The following CSNK1G3 variants were observed in gnomAD, a reference collection of about 807,000 sequenced individuals.
CSNK1G3 encodes the protein casein kinase I isoform gamma-3.
A neutral mutation model predicts 64.3 loss-of-function variants in CSNK1G3; 23 were observed. The observed-to-expected ratio is 0.36, with a 90% CI of 0.26 to 0.51. The LOEUF (loss-of-function observed/expected upper bound fraction) is 0.51, where lower values mean the gene tolerates loss of function less well. CSNK1G3 is among the 20% of genes least tolerant of loss of function. CSNK1G3 has a pLI of 0.96. For synonymous variants in CSNK1G3, 158 were observed against 162.2 expected (o/e 0.97, Z 0.20); for missense variants, 357 against 510.5 (o/e 0.70, Z 2.90).
chr5:123,572,133 C>T (rs1788236351), intron 4 of CSNK1G3, among the ~76,000 whole-genome samples: 1 of 152,032 alleles, frequency 6.6e-6, no homozygotes, highest in African/African-American at 2.4e-5. Context: ...GGCTTTTGTT[C>T]CAGGTTGTGG....
intron 1 of CSNK1G3, among the ~76,000 whole-genome samples, chr5:123,541,502 C>T (rs1781674200): frequency 1.3e-5 from 2 of 152,132 alleles, no homozygotes; most frequent in South Asian, 2.1e-4. Flanking sequence ...AATCTCAGCT[C>T]ACTGCAACCT....
intron 12 of CSNK1G3, among the ~76,000 whole-genome samples, chr5:123,612,512 C>T (rs1796515205): frequency 6.7e-6 from 1 of 149,926 alleles, no homozygotes; most frequent in African/African-American, 2.5e-5. Context: ...GAGTCTCACT[C>T]TGTCGCCCAG....
intron 12 of CSNK1G3, among the ~76,000 whole-genome samples, chr5:123,605,658 A>C (rs1795234787): frequency 6.6e-6 from 1 of 152,092 alleles, no homozygotes; most frequent in South Asian, 2.1e-4. Flanking sequence ...GTTTTATAAT[A>C]GTTTTTATTT....
At chr5:123,561,482 T>C (rs1785707776) in intron 4 of CSNK1G3, among the ~76,000 whole-genome samples, 1 of 152,208 alleles carries the variant, frequency 6.6e-6, no homozygotes, top group Admixed American at 6.5e-5. Flanking sequence ...GGATGTAATG[T>C]GAGACAAGTG....
intron 1 of CSNK1G3, among the ~76,000 whole-genome samples, chr5:123,534,444 G>C (rs1040776034): frequency 4.6e-5 from 7 of 152,090 alleles, no homozygotes; most frequent in Non-Finnish European, 1.0e-4. Context: ...TTAGGTATAA[G>C]AGAAGGTTAT....
In CSNK1G3 at chr5:123,600,903, C is replaced by CTT. The variant is rs376563590; in HGVS notation, c.1087-3808_1087-3807dup. ...GACAGTAAAACTGGAGTCTAGTTGC[C>CTT]TTTTTTTTTTTTTTATCTTCTTAAA... On this transcript the variant is annotated intron_variant, in intron 10 of 12. Coordinates refer to ENST00000345990, the Ensembl canonical transcript of CSNK1G3. 2.9e-3 allele frequency among the ~76,000 whole-genome samples: 408 copies of CTT among 138,332 alleles called. 3 individuals are homozygous for CTT. The East Asian group carries it at 0.032, about 11-fold the overall frequency. 90.8% of individuals were successfully genotyped at this position (138,332 alleles called of 152,430 possible).
chr5:123,607,742 GGTT>G (rs1194548666), intron 12 of CSNK1G3, among the ~76,000 whole-genome samples: 1 of 152,052 alleles, frequency 6.6e-6, no homozygotes, highest in African/African-American at 2.4e-5. Context: ...TTAATAAAAT[GGTT>G]GTTTTAAAAA....
chr5:123,561,788 T>C (rs1196750740), intron 4 of CSNK1G3, among the ~76,000 whole-genome samples: 1 of 152,146 alleles, frequency 6.6e-6, no homozygotes, highest in East Asian at 1.9e-4. Context: ...CTCTCTCTCT[T>C]AAAAGACCTT....
At chr5:123,522,868 A>C (rs1778373241) in intron 1 of CSNK1G3, among the ~76,000 whole-genome samples, 1 of 152,164 alleles carries the variant, frequency 6.6e-6, no homozygotes, top group Admixed American at 6.5e-5. Flanking sequence ...ATTAAGTATA[A>C]CGCCAAAGTT....
At chr5:123,526,196 CCTGA>C (rs1445848064) in intron 1 of CSNK1G3, among the ~76,000 whole-genome samples, 2 of 151,726 alleles carry the variant, frequency 1.3e-5, no homozygotes, top group East Asian at 3.9e-4. Context: ...TGCCACCATG[CCTGA>C]CTAATTTAAT....
chr5:123,613,933 T>C (rs1379566874), intron 12 of CSNK1G3, among the ~76,000 whole-genome samples: 1 of 152,224 alleles, frequency 6.6e-6, no homozygotes, highest in Non-Finnish European at 1.5e-5. Context: ...TATTGGAGTG[T>C]CTTTTTATTT....
chr5:123,549,132 T>C (rs1044909275), intron 2 of CSNK1G3, among the ~76,000 whole-genome samples: 2 of 152,208 alleles, frequency 1.3e-5, no homozygotes, highest in African/African-American at 2.4e-5. Context: ...GTTGAGAACT[T>C]CTGTGTTTGT....
chr5:123,577,420 CACAG>C (rs1171407369), intron 6 of CSNK1G3, among the ~76,000 whole-genome samples: 3 of 152,042 alleles, frequency 2.0e-5, no homozygotes, highest in Admixed American at 1.3e-4. Flanking sequence ...TATACACACA[CACAG>C]AGACATACGT....
At chr5:123,525,829 T>TA (rs922322903) in intron 1 of CSNK1G3, among the ~76,000 whole-genome samples, 1 of 151,110 alleles carries the variant, frequency 6.6e-6, no homozygotes, top group African/African-American at 2.4e-5. Flanking sequence ...CCGTCTCTAC[T>TA]AAAAAAACAA....
chr5:123,559,731 G>T, intron 4 of CSNK1G3, among the ~76,000 whole-genome samples: 1 of 147,584 alleles, frequency 6.8e-6, no homozygotes, highest in Non-Finnish European at 1.5e-5. Context: ...TCATTTGTGA[G>T]TTTTGTGAAA....
chr5:123,552,693 C>T (rs530725170), intron 2 of CSNK1G3, among the ~76,000 whole-genome samples: 1 of 152,216 alleles, frequency 6.6e-6, no homozygotes, highest in African/African-American at 2.4e-5. Context: ...AGTAAGATTA[C>T]ATCTCATAAT....
chr5:123,530,029 T>G (rs1400740505), intron 1 of CSNK1G3, among the ~76,000 whole-genome samples: 2 of 151,674 alleles, frequency 1.3e-5, no homozygotes, highest in Non-Finnish European at 2.9e-5. Flanking sequence ...CCCAGCTATT[T>G]TGAGATGTGT....
At chr5:123,550,604 A>G (rs1363284390) in intron 2 of CSNK1G3, among the ~76,000 whole-genome samples, 1 of 152,162 alleles carries the variant, frequency 6.6e-6, no homozygotes, top group Non-Finnish European at 1.5e-5. Flanking sequence ...GATAATTACC[A>G]CCCCAAAGCC....
At chr5:123,614,531 T>A in exon 13 of CSNK1G3, 1 of 666,756 alleles carries the variant, frequency 1.5e-6, no homozygotes, top group Non-Finnish European at 2.4e-6. Flanking sequence ...CTTTCATACT[T>A]CATTTTGTGG....
Sources: gnomAD v4.1 joint callset for allele counts (sites outside exome capture counted in the v4.1 genomes callset) on GRCh38, gnomAD v4.1.1 for gene constraint, MANE v1.5 for transcripts, NCBI Gene and HGNC (gene_info 2026-07-23, HGNC 2026-07-21) for gene names.